Variants in PDLIM1 observed in about 807,000 individuals in gnomAD.
PDLIM1 encodes the protein PDZ and LIM domain 1.
Under a neutral mutation model 35.2 loss-of-function variants are expected in PDLIM1, and 25 were observed. The observed-to-expected ratio is 0.71, with a 90% CI of 0.52 to 0.99. PDLIM1 has a LOEUF of 0.99. PDLIM1 is among the 50% of genes least tolerant of loss of function. The pLI is 0.00. For missense variants in PDLIM1, 363 were observed against 415.3 expected, an observed-to-expected ratio of 0.87 and a Z score of 1.09; for synonymous variants, 152 against 154.0, an observed-to-expected ratio of 0.99 and a Z score of 0.10.
intron 1 of PDLIM1, among the ~76,000 whole-genome samples, chr10:95,288,766 A>C (rs2035624100): frequency 6.6e-6 from 1 of 152,194 alleles, no homozygotes; most frequent in African/African-American, 2.4e-5. Context: ...GTCAGCATGA[A>C]AATGTTACCT....
chr10:95,258,146 T>C (rs568729421), intron 4 of PDLIM1, among the ~76,000 whole-genome samples: 13 of 152,126 alleles, frequency 8.5e-5, no homozygotes, highest in African/African-American at 2.9e-4. Context: ...ATCACTATCA[T>C]GAGAACAACA....
At chr10:95,241,213 A>G (rs1464210241) in intron 5 of PDLIM1, among the ~76,000 whole-genome samples, 1 of 152,206 alleles carries the variant, frequency 6.6e-6, no homozygotes, top group African/African-American at 2.4e-5. Context: ...CGAACCAAAA[A>G]TTGAGACACA....
chr10:95,256,985 A>AAGAAAG (rs2035317176), intron 4 of PDLIM1, among the ~76,000 whole-genome samples: 44 of 119,282 alleles, frequency 3.7e-4, no homozygotes, highest in African/African-American at 1.3e-3. Flanking sequence ...AAAAAAAAAA[A>AAGAAAG]AAAAGAAAGA....
At chr10:95,260,678 C>T (rs1396559128) in intron 4 of PDLIM1, among the ~76,000 whole-genome samples, 1 of 152,222 alleles carries the variant, frequency 6.6e-6, no homozygotes, top group East Asian at 1.9e-4. Flanking sequence ...AGACACACCA[C>T]AATACTTTCA....
rs979631966 is a variant in PDLIM1 at position 95,290,584 on chromosome 10, T to C, written c.96+236A>G. Among the ~76,000 whole-genome samples the C allele has an allele frequency of 6.6e-6, 1 of 152,044 alleles. No homozygotes were observed. The highest frequency in any genetic ancestry group is 1.5e-5 in the Non-Finnish European group (1 of 67,988). ...AAGAACGAAAACTGCCTTCTTTTTT[T>C]CTGGCGGACACGGAGCGCGCCCGCG... On this transcript the variant is annotated intron_variant, in intron 1 of 6. Transcript: ENST00000329399. The surrounding 1 kb of genome is among the most constrained non-coding windows in gnomAD (Gnocchi z 4.7).
At chr10:95,283,714 T>G (rs988375460) in intron 1 of PDLIM1, among the ~76,000 whole-genome samples, 1 of 152,206 alleles carries the variant, frequency 6.6e-6, no homozygotes, top group Non-Finnish European at 1.5e-5. Flanking sequence ...TAACCTTTAC[T>G]GAAGGATGAC....
chr10:95,271,905 T>G, intron 1 of PDLIM1, 121 bp from the exon 2 acceptor site: 1 of 799,180 alleles, frequency 1.3e-6, no homozygotes, highest in Non-Finnish European at 2.0e-6. Context: ...GCTGAAATCA[T>G]AGCTTAAATA....
At chr10:95,271,057 T>A (rs2035461113) in intron 2 of PDLIM1, among the ~76,000 whole-genome samples, 1 of 151,744 alleles carries the variant, frequency 6.6e-6, no homozygotes, top group Non-Finnish European at 1.5e-5. Flanking sequence ...GCCAGGACAT[T>A]TTACTTACTC....
chr10:95,284,484 G>A lies in PDLIM1; in HGVS notation c.96+6336C>T, dbSNP rs191792040. The stretch of plus-strand genomic sequence containing the variant: ...TTCTCCTGCCTCAGCCTCTTGAGTA[G>A]CTGGAACTACAGGTGCCTGCCACTA... On this transcript the variant is annotated intron_variant, in intron 1 of 6. Coordinates refer to ENST00000329399, the MANE Select transcript of PDLIM1 (RefSeq NM_020992.4). Among the ~76,000 whole-genome samples, 619 of 152,102 alleles carry A rather than the reference G, an allele frequency of 4.1e-3. 9 individuals carry two copies. The highest frequency in any genetic ancestry group is 0.014 in the African/African-American group (590 of 41,470).
At chr10:95,289,305 G>T (rs928271003) in intron 1 of PDLIM1, among the ~76,000 whole-genome samples, 1 of 152,178 alleles carries the variant, frequency 6.6e-6, no homozygotes, top group Admixed American at 6.5e-5. Context: ...TACCCAGCCC[G>T]GCCAGGTACA....
chr10:95,258,101 C>G (rs770138755), intron 4 of PDLIM1, among the ~76,000 whole-genome samples: 1 of 152,032 alleles, frequency 6.6e-6, no homozygotes, highest in Non-Finnish European at 1.5e-5. Flanking sequence ...GAAGGGAGCT[C>G]CTCTTTTTAA....
intron 1 of PDLIM1, among the ~76,000 whole-genome samples, chr10:95,277,924 G>GTAGC (rs1193564063): frequency 1.3e-5 from 2 of 152,222 alleles, no homozygotes; most frequent in Non-Finnish European, 2.9e-5. Flanking sequence ...GGATGATGAT[G>GTAGC]TAGCTCTCCC....
At chr10:95,274,476 A>T (rs1301034054) in intron 1 of PDLIM1, among the ~76,000 whole-genome samples, 1 of 151,640 alleles carries the variant, frequency 6.6e-6, no homozygotes, top group Non-Finnish European at 1.5e-5. Flanking sequence ...GTATTTTTAG[A>T]AGAGATGGGG....
At chr10:95,277,023 G>A (rs1016696700) in intron 1 of PDLIM1, among the ~76,000 whole-genome samples, 4 of 151,428 alleles carry the variant, frequency 2.6e-5, no homozygotes, top group East Asian at 3.9e-4. Context: ...AGACCAACCT[G>A]GGCAACATGG....
intron 4 of PDLIM1, among the ~76,000 whole-genome samples, chr10:95,257,480 G>A (rs1162559288): frequency 4.6e-5 from 7 of 151,658 alleles, no homozygotes; most frequent in Non-Finnish European, 1.0e-4. Context: ...AAAACAAATA[G>A]CTCGATTAAA....
chr10:95,278,249 C>T (rs1325595692), intron 1 of PDLIM1, among the ~76,000 whole-genome samples: 2 of 152,180 alleles, frequency 1.3e-5, no homozygotes, highest in African/African-American at 2.4e-5. Context: ...TCTGTGTAAA[C>T]AAGGATGCAC....
At chr10:95,278,374 T>C (rs377059029) in intron 1 of PDLIM1, among the ~76,000 whole-genome samples, 4 of 152,304 alleles carry the variant, frequency 2.6e-5, no homozygotes, top group Middle Eastern at 3.4e-3. Context: ...TGTTTGTAGA[T>C]TCCAGGAACC....
chr10:95,290,081 C>T lies in PDLIM1; in HGVS notation c.96+739G>A, dbSNP rs1302867492. Among the ~76,000 whole-genome samples the T allele has an allele frequency of 1.3e-5, 2 of 152,206 alleles. No homozygotes were observed. Among genetic ancestry groups the T allele is most frequent in the African/African-American group, 2.4e-5 (1 of 41,452 alleles). ...CGAAGCCCCTCTTAGATTTCAAGCA[C>T]CTCAACCCCACCCCAGGTGGACACC... On this transcript the variant is annotated intron_variant, in intron 1 of 6. Coordinates refer to ENST00000329399, the MANE Select transcript of PDLIM1 (RefSeq NM_020992.4). The surrounding 1 kb of genome is among the most constrained non-coding windows in gnomAD (Gnocchi z 4.7).
At chr10:95,250,288 A>G (rs2133414983) in intron 4 of PDLIM1, among the ~76,000 whole-genome samples, 1 of 152,236 alleles carries the variant, frequency 6.6e-6, no homozygotes, top group East Asian at 1.9e-4. Context: ...AAAATGACAG[A>G]ACCCAGACCA....
Sources: allele counts gnomAD v4.1 joint callset (sites outside exome capture counted in the v4.1 genomes callset), GRCh38; gene constraint gnomAD v4.1.1; non-coding constraint Gnocchi (gnomAD v3.1); transcripts MANE v1.5; gene names NCBI Gene and HGNC (gene_info 2026-07-23, HGNC 2026-07-21).